The following ADPGK variants were observed in gnomAD, a reference collection of about 807,000 sequenced individuals.
ADPGK encodes the protein ADP-dependent glucokinase.
In ADPGK, 26 loss-of-function variants were observed where a neutral mutation model predicts 42.4. That is an observed-to-expected ratio of 0.61 (90% CI 0.45 to 0.85). ADPGK has a LOEUF of 0.85. ADPGK is among the 40% of genes least tolerant of loss of function. ADPGK has a pLI of 0.00. For synonymous variants in ADPGK, 267 were observed against 252.6 expected (o/e 1.06, Z -0.54); for missense variants, 571 against 627.0 (o/e 0.91, Z 0.95).
chr15:72,751,990 T>G lies in ADPGK; in HGVS notation c.*351A>C. 4.6e-6 allele frequency: 1 copy of G among 218,394 alleles called. No homozygotes were observed. The highest frequency in any genetic ancestry group is 8.8e-5 in the South Asian group (1 of 11,312). The allele number at this position is 218,394 out of a possible 1,614,324, so 13.5% of individuals were successfully genotyped here. A position where few individuals can be genotyped will look rare whatever the true frequency, so the allele number is the denominator to read the frequency against. ...CCTAGAGACCAGGATGTTGGGTGAG[T>G]GGGCGTGCACTTCTCAAGTGGGCAA... On this transcript the variant is annotated 3_prime_UTR_variant, in exon 7 of 7. Transcript: ENST00000456471.
Position 72,752,848 on chromosome 15 carries a change from C to A in ADPGK, c.987G>T (p.Leu329=). ...VTSLGLNEQE[L]LFLTQSASGP... ...CAGAGGCTGACTGGGTGAGAAATAACAGCTCCTGTTCATTCAGCCCAAGGG... is the reference window on the plus strand; with the variant it reads ...CAGAGGCTGACTGGGTGAGAAATAAAAGCTCCTGTTCATTCAGCCCAAGGG... The change falls in exon 7 of 7, where the codon CTG becomes CTT. Residue 329 remains leucine (L), a synonymous_variant. Transcript: ENST00000456471. 6.2e-7 allele frequency: 1 copy of A among 1,614,178 alleles called. No homozygotes were observed. Among genetic ancestry groups the A allele is most frequent in the Non-Finnish European group, 8.5e-7 (1 of 1,180,032 alleles).
chr15:72,768,605 T>C (rs1017788857), intron 3 of ADPGK, among the ~76,000 whole-genome samples: 3 of 151,936 alleles, frequency 2.0e-5, no homozygotes, highest in African/African-American at 4.8e-5. Context: ...GAGACGGACA[T>C]TGCAGTGAGC....
chr15:72,756,023 A>T, intron 5 of ADPGK: 1 of 690,940 alleles, frequency 1.4e-6, no homozygotes, highest in Non-Finnish European at 2.6e-6. Flanking sequence ...CAGGATGCAG[A>T]GGCTCAGGCA....
chr15:72,777,759 C>T (rs2066407463), intron 1 of ADPGK, among the ~76,000 whole-genome samples: 1 of 151,996 alleles, frequency 6.6e-6, no homozygotes, highest in African/African-American at 2.4e-5. Flanking sequence ...CAGTCTGACT[C>T]CTTAAAATGA....
rs565100703 is a variant in ADPGK, at chr15:72,761,048, T to C, written c.523-521A>G. ...CAAGGACAGGACATGTGGGAACACA[T>C]TGAGAAGGTGGCCACCTGCAAGCCA... On this transcript the variant is annotated intron_variant, in intron 3 of 6. Coordinates refer to ENST00000456471, the MANE Select transcript of ADPGK (RefSeq NM_001365225.1). Among the ~76,000 whole-genome samples the C allele has an allele frequency of 4.6e-5, 7 of 152,156 alleles. No homozygotes were observed. The South Asian group carries it at 8.3e-4, about 18-fold the overall frequency.
At position 72,763,026 on chromosome 15, in the gene ADPGK, A is replaced by G. The variant is rs76688240; in HGVS notation, c.523-2499T>C. On this transcript the variant is annotated intron_variant, in intron 3 of 6. Coordinates refer to ENST00000456471, the MANE Select transcript of ADPGK (RefSeq NM_001365225.1). ...TAGTAAGCCCTACAAATGTCTTAGC[A>G]TATTACTGTAAAAGAATTTCCAGGT... is the stretch of plus-strand genomic sequence containing the variant. Among the ~76,000 whole-genome samples, 1,261 of 152,312 alleles carry G rather than the reference A, an allele frequency of 8.3e-3. 13 individuals carry two copies. Among genetic ancestry groups the G allele is most frequent in the African/African-American group, 0.029 (1,192 of 41,554 alleles).
chr15:72,766,366 C>T (rs1242955991), intron 3 of ADPGK, among the ~76,000 whole-genome samples: 3 of 152,158 alleles, frequency 2.0e-5, no homozygotes, highest in East Asian at 1.9e-4. Flanking sequence ...GAAGAGTTAA[C>T]TGATGTGGCA....
intron 1 of ADPGK, among the ~76,000 whole-genome samples, chr15:72,776,096 C>CA (rs1218258101): frequency 6.6e-6 from 1 of 152,170 alleles, no homozygotes; most frequent in Non-Finnish European, 1.5e-5. Context: ...TCAGTGGCAT[C>CA]ATGTCAGTGC....
At chr15:72,753,232 C>T (rs2151067222) in intron 6 of ADPGK, among the ~76,000 whole-genome samples, 1 of 152,296 alleles carries the variant, frequency 6.6e-6, no homozygotes, top group South Asian at 2.1e-4. Context: ...ATACTCTTAC[C>T]ACTGATGGGG....
rs977695786 is a variant in ADPGK, at chr15:72,764,951, C to T, written c.523-4424G>A. ...GCCTGAATGACAGCATACCTATTTA[C>T]AGTTTAATAGGTATTTTAAGCCCAC... On this transcript the variant is annotated intron_variant, in intron 3 of 6. Coordinates refer to ENST00000456471, the MANE Select transcript of ADPGK (RefSeq NM_001365225.1). 6.8e-4 allele frequency among the ~76,000 whole-genome samples: 101 copies of T among 148,178 alleles called. 1 individual carries two copies. Among genetic ancestry groups the T allele is most frequent in the Admixed American group, 2.0e-3 (29 of 14,822 alleles).
In ADPGK at chr15:72,756,116, A is replaced by G. The variant is rs542372808; in HGVS notation, c.840+135T>C. On this transcript the variant is annotated intron_variant, in intron 5 of 6. Coordinates refer to ENST00000456471, the MANE Select transcript of ADPGK (RefSeq NM_001365225.1). ...GAGGTGCCTCACTGCAGCAGGAGGCAAGCTCCACAGCCAGCTGCCAAGATA... is the reference window on the plus strand; with the variant it reads ...GAGGTGCCTCACTGCAGCAGGAGGCGAGCTCCACAGCCAGCTGCCAAGATA... The G allele has an allele frequency of 4.6e-4, 493 of 1,083,468 alleles. 1 individual carries two copies. The East Asian group carries it at 9.3e-3, about 21-fold the overall frequency. The allele number at this position is 1,083,468 out of a possible 1,614,324, so 67.1% of individuals were successfully genotyped here.
At chr15:72,783,106 G>T in intron 1 of ADPGK, 1 of 621,866 alleles carries the variant, frequency 1.6e-6, no homozygotes, top group Non-Finnish European at 2.1e-6. Context: ...TGTTGTCATA[G>T]TGGGTAAGGT....
intron 4 of ADPGK, chr15:72,758,121 CAG>C: frequency 2.5e-6 from 4 of 1,613,556 alleles, no homozygotes; most frequent in Non-Finnish European, 3.4e-6. Context: ...ATGTGCAATC[CAG>C]AAAGGACCAC....
intron 1 of ADPGK, among the ~76,000 whole-genome samples, chr15:72,778,963 C>T (rs1458813557): frequency 6.6e-6 from 1 of 152,136 alleles, no homozygotes; most frequent in Middle Eastern, 3.2e-3. Flanking sequence ...AATTAGTCAT[C>T]ACTGCTTTCA....
intron 3 of ADPGK, among the ~76,000 whole-genome samples, chr15:72,767,031 C>A (rs576314478): frequency 6.6e-6 from 1 of 152,058 alleles, no homozygotes; most frequent in South Asian, 2.1e-4. Flanking sequence ...CCCAACTATA[C>A]GCTGTCTATA....
chr15:72,768,854 T>C (rs2066292633), intron 3 of ADPGK, among the ~76,000 whole-genome samples: 1 of 151,416 alleles, frequency 6.6e-6, no homozygotes, highest in Non-Finnish European at 1.5e-5. Context: ...TCTGCAATCC[T>C]AAATACTCAG....
chr15:72,756,496 G>C (rs781680497), intron 4 of ADPGK, 49 bp from the exon 5 acceptor site: 4 of 1,601,224 alleles, frequency 2.5e-6, no homozygotes, highest in Non-Finnish European at 3.4e-6. Context: ...GAGGCTTTAG[G>C]TCTCCTAGCT....
intron 1 of ADPGK, among the ~76,000 whole-genome samples, chr15:72,778,546 C>G (rs973475132): frequency 6.6e-6 from 1 of 152,060 alleles, no homozygotes; most frequent in East Asian, 1.9e-4. Flanking sequence ...GGAGAAAACA[C>G]AGATGAAACA....
chr15:72,760,598 G>A (rs972658486), intron 3 of ADPGK, 71 bp from the exon 4 acceptor site: 1 of 1,482,968 alleles, frequency 6.7e-7, no homozygotes, highest in South Asian at 1.4e-5. Flanking sequence ...CAGCACCCCA[G>A]GACAGTACAT....
Sources: gnomAD v4.1 joint callset for allele counts (sites outside exome capture counted in the v4.1 genomes callset) on GRCh38, gnomAD v4.1.1 for gene constraint, MANE v1.5 for transcripts, NCBI Gene and HGNC (gene_info 2026-07-23, HGNC 2026-07-21) for gene names.